GRID2: variants seen among roughly 807,000 people sequenced by gnomAD.
GRID2 encodes glutamate receptor ionotropic, delta-2.
In GRID2, 33 loss-of-function variants were observed where a neutral mutation model predicts 114.8. That is an observed-to-expected ratio of 0.29 (90% CI 0.22 to 0.38). The LOEUF is 0.38. Among genes scored for constraint, GRID2 ranks in the 10% least tolerant of loss-of-function variants. GRID2 has a pLI of 1.00. For missense variants in GRID2, 1,184 were observed against 1,257.7 expected (o/e 0.94, Z 0.89); for synonymous variants, 505 against 449.9 (o/e 1.12, Z -1.55).
chr4:92,929,581 T>C (rs573317394), intron 2 of GRID2, among the ~76,000 whole-genome samples: 2 of 151,530 alleles, frequency 1.3e-5, no homozygotes, highest in South Asian at 4.1e-4. Flanking sequence ...TTGTAACTTG[T>C]GAACTAAATG....
At chr4:92,559,712 A>G (rs983386336) in intron 1 of GRID2, among the ~76,000 whole-genome samples, 8 of 152,188 alleles carry the variant, frequency 5.3e-5, no homozygotes, top group Non-Finnish European at 1.2e-4. Flanking sequence ...ACAAATTTAC[A>G]TATTAAAACA....
At chr4:92,834,394 GTGT>G (rs1418505112) in intron 2 of GRID2, among the ~76,000 whole-genome samples, 6 of 152,008 alleles carry the variant, frequency 3.9e-5, no homozygotes, top group Non-Finnish European at 8.8e-5. Context: ...TAAGCCTTAT[GTGT>G]TGTTGTCATT....
chr4:93,654,748 T>G lies in GRID2; in HGVS notation c.2360+28313T>G, dbSNP rs573655043. ...ATTCATAAAAAGGATTGGAATTTTT[T>G]GAAAATGATAAGGAGCCGAATGAGA... On this transcript the variant is annotated intron_variant, in intron 14 of 15. Coordinates refer to ENST00000282020, the MANE Select transcript of GRID2 (RefSeq NM_001510.4). Among the ~76,000 whole-genome samples the G allele has an allele frequency of 9.0e-4, 137 of 152,236 alleles. 1 individual carries two copies. Among genetic ancestry groups the G allele is most frequent in the Non-Finnish European group, 2.6e-4 (18 of 67,994 alleles).
At chr4:93,012,920 T>A (rs1456415624) in intron 2 of GRID2, among the ~76,000 whole-genome samples, 1 of 152,006 alleles carries the variant, frequency 6.6e-6, no homozygotes, top group East Asian at 1.9e-4. Flanking sequence ...CATATATATA[T>A]AAAACATTTA....
chr4:93,572,442 C>T (rs1736013608), intron 13 of GRID2, among the ~76,000 whole-genome samples: 1 of 152,012 alleles, frequency 6.6e-6, no homozygotes, highest in South Asian at 2.1e-4. Flanking sequence ...TTTTTAGACA[C>T]ATATATAATT....
At chr4:92,718,748 G>T (rs1579909102) in intron 2 of GRID2, among the ~76,000 whole-genome samples, 5 of 98,544 alleles carry the variant, frequency 5.1e-5, no homozygotes, top group Admixed American at 1.6e-4. Context: ...AGGCAACAGA[G>T]TAAGACCCTG....
At chr4:93,538,990 G>C (rs1373802544) in intron 13 of GRID2, among the ~76,000 whole-genome samples, 1 of 151,816 alleles carries the variant, frequency 6.6e-6, no homozygotes, top group Non-Finnish European at 1.5e-5. Context: ...AGTAATGTAA[G>C]ATATTAATAT....
intron 2 of GRID2, among the ~76,000 whole-genome samples, chr4:92,887,866 T>C (rs1332820264): frequency 2.6e-5 from 4 of 152,212 alleles, no homozygotes; most frequent in African/African-American, 9.6e-5. Context: ...TTCTAACTCA[T>C]TGTCTTTATT....
At chr4:92,674,563 C>T (rs916369737) in intron 2 of GRID2, among the ~76,000 whole-genome samples, 2 of 152,052 alleles carry the variant, frequency 1.3e-5, no homozygotes, top group African/African-American at 4.8e-5. Flanking sequence ...TGCTCTGTTG[C>T]CCAGGCTGGA....
intron 1 of GRID2, among the ~76,000 whole-genome samples, chr4:92,387,609 A>G (rs1730027500): frequency 6.6e-6 from 1 of 152,006 alleles, no homozygotes; most frequent in Non-Finnish European, 1.5e-5. Context: ...GAACATGAGT[A>G]AGAATGTACT....
chr4:92,551,969 T>C (rs956390313), intron 1 of GRID2, among the ~76,000 whole-genome samples: 1 of 151,798 alleles, frequency 6.6e-6, no homozygotes, highest in African/African-American at 2.4e-5. Flanking sequence ...AAACCTAAGA[T>C]AAAGGCAAAA....
intron 1 of GRID2, among the ~76,000 whole-genome samples, chr4:92,397,501 A>C (rs1444951544): frequency 1.3e-5 from 2 of 152,020 alleles, no homozygotes; most frequent in African/African-American, 4.8e-5. Context: ...ATTGTTTACT[A>C]TTGGAAAATT....
intron 2 of GRID2, among the ~76,000 whole-genome samples, chr4:92,638,070 A>C (rs1250112780): frequency 6.6e-6 from 1 of 151,986 alleles, no homozygotes; most frequent in East Asian, 1.9e-4. Flanking sequence ...TGACATGTAT[A>C]GCTCACATCA....
At chr4:93,514,794 T>G (rs549936262) in intron 12 of GRID2, among the ~76,000 whole-genome samples, 1 of 152,318 alleles carries the variant, frequency 6.6e-6, no homozygotes, top group African/African-American at 2.4e-5. Flanking sequence ...ATTCTATAAT[T>G]TTATACAAAT....
At chr4:92,309,727 T>A (rs1203090458) in intron 1 of GRID2, among the ~76,000 whole-genome samples, 1 of 151,922 alleles carries the variant, frequency 6.6e-6, no homozygotes, top group Non-Finnish European at 1.5e-5. Flanking sequence ...CTAAACAAAT[T>A]AGATTGCTAG....
chr4:92,611,009 T>C (rs1264261573), intron 2 of GRID2, among the ~76,000 whole-genome samples: 1 of 146,230 alleles, frequency 6.8e-6, no homozygotes, highest in Non-Finnish European at 1.5e-5. Context: ...TGAATATTTA[T>C]TGAATAGTCT....
intron 4 of GRID2, among the ~76,000 whole-genome samples, chr4:93,112,755 C>A (rs1444323090): frequency 6.6e-6 from 1 of 152,096 alleles, no homozygotes; most frequent in Non-Finnish European, 1.5e-5. Flanking sequence ...AAGGTTGATT[C>A]CTTCTGAGGG....
At chr4:93,275,638 C>T (rs2149576558) in intron 8 of GRID2, among the ~76,000 whole-genome samples, 1 of 151,842 alleles carries the variant, frequency 6.6e-6, no homozygotes, top group South Asian at 2.1e-4. Flanking sequence ...ATTATTGCTG[C>T]TGCTGCTGTT....
chr4:92,923,258 A>T (rs546663661), intron 2 of GRID2, among the ~76,000 whole-genome samples: 97 of 152,272 alleles, frequency 6.4e-4, no homozygotes, highest in African/African-American at 2.3e-3. Flanking sequence ...TAAGTTTTTT[A>T]TCATTTTTGT....
Sources: gnomAD v4.1 joint callset for allele counts (sites outside exome capture counted in the v4.1 genomes callset) on GRCh38, gnomAD v4.1.1 for gene constraint, MANE v1.5 for transcripts, NCBI Gene and HGNC (gene_info 2026-07-23, HGNC 2026-07-21) for gene names.